Variants in HTR2C observed in about 807,000 individuals in gnomAD.
The protein encoded by HTR2C is 5-hydroxytryptamine (serotonin) receptor 2C, G protein-coupled.
HTR2C carries 5 observed loss-of-function variants against 21.0 expected under a neutral mutation model. The ratio of observed to expected loss-of-function variants is 0.24; its 90% CI spans 0.12 to 0.50. HTR2C has a LOEUF of 0.50. Ranked by LOEUF, HTR2C falls within the 20% of genes least tolerant of loss-of-function variation. HTR2C has a pLI of 0.98. For synonymous variants in HTR2C, 150 were observed against 145.3 expected (o/e 1.03, Z -0.23); for missense variants, 271 against 371.2 (o/e 0.73, Z 2.22).
At chrX:114,792,241 T>C (rs1189654903) in intron 4 of HTR2C, among the ~76,000 whole-genome samples, 1 of 111,448 alleles carries the variant, frequency 9.0e-6, no homozygotes, top group East Asian at 2.8e-4. Flanking sequence ...AAGCACCACA[T>C]GCATCAGCTA....
At chrX:114,753,647 A>G (rs1795291168) in intron 4 of HTR2C, among the ~76,000 whole-genome samples, 1 of 112,041 alleles carries the variant, frequency 8.9e-6, no homozygotes, top group Non-Finnish European at 1.9e-5. Flanking sequence ...AACAATGATC[A>G]TATGGAAACT....
chrX:114,850,904 A>T (rs1266752340), intron 5 of HTR2C, among the ~76,000 whole-genome samples: 1 of 111,257 alleles, frequency 9.0e-6, no homozygotes, highest in Non-Finnish European at 1.9e-5. Context: ...AAACAAAAAA[A>T]TTCCTCCATC....
Position 114,906,579 on chromosome X carries a change from C to A in HTR2C, c.551-10C>A, listed in dbSNP as rs201632841. On this transcript the variant is annotated splice_polypyrimidine_tract_variant and intron_variant, in intron 5 of 5. Transcript: ENST00000276198. Reference sequence around the variant, plus strand: ...TGCTATAACAACCCCCTTCCTTTTTCTTCCTTTAGGTGTATCAGTTCCTAT... The same window carrying A: ...TGCTATAACAACCCCCTTCCTTTTTATTCCTTTAGGTGTATCAGTTCCTAT... 106 of 1,149,531 alleles carry A rather than the reference C, an allele frequency of 9.2e-5. No homozygotes were observed. The highest frequency in any genetic ancestry group is 1.2e-4 in the Non-Finnish European group (104 of 855,153). 94.7% of individuals were successfully genotyped at this position (1,149,531 alleles called of 1,213,427 possible). A position where few individuals can be genotyped will look rare whatever the true frequency, so the allele number is the denominator to read the frequency against.
intron 2 of HTR2C, among the ~76,000 whole-genome samples, chrX:114,700,175 G>C (rs1043349923): frequency 2.0e-4 from 22 of 110,967 alleles, no homozygotes; most frequent in Non-Finnish European, 4.0e-4. Flanking sequence ...CTGTAAATAG[G>C]GCTCACATAC....
In HTR2C at chrX:114,878,947, A is replaced by G. The variant is rs5987828; in HGVS notation, c.551-27642A>G. On this transcript the variant is annotated intron_variant, in intron 5 of 5. Coordinates refer to ENST00000276198, the MANE Select transcript of HTR2C (RefSeq NM_000868.4). ...TGATTAAAATGCCATCGACACTTGA[A>G]TAGAATTGTATCTTGCTATTGTATA... Among the ~76,000 whole-genome samples the G allele has an allele frequency of 4.9e-3, 546 of 110,766 alleles. 1 individual carries two copies. The highest frequency in any genetic ancestry group is 0.017 in the African/African-American group (512 of 30,737).
At chrX:114,888,088 T>C (rs1556482044) in intron 5 of HTR2C, among the ~76,000 whole-genome samples, 3 of 112,129 alleles carry the variant, frequency 2.7e-5, no homozygotes. Context: ...CCCTTTACCC[T>C]TGTTGCTCCC....
chrX:114,741,873 A>C (rs1219990419), intron 4 of HTR2C, among the ~76,000 whole-genome samples: 1 of 110,456 alleles, frequency 9.1e-6, no homozygotes, highest in African/African-American at 3.3e-5. Flanking sequence ...TATGGGAATG[A>C]GGTTCCCTTT....
chrX:114,736,506 A>G (rs1488528941), intron 4 of HTR2C, among the ~76,000 whole-genome samples: 1 of 112,200 alleles, frequency 8.9e-6, no homozygotes, highest in Non-Finnish European at 1.9e-5. Flanking sequence ...AAGAAATGGC[A>G]GTTAAGAATA....
intron 2 of HTR2C, among the ~76,000 whole-genome samples, chrX:114,632,019 T>C (rs781840471): frequency 1.8e-5 from 2 of 112,317 alleles, no homozygotes; most frequent in South Asian, 7.3e-4. Context: ...AAGTAGAAGC[T>C]AAATAAATAA....
chrX:114,737,377 C>T (rs2069601746), intron 4 of HTR2C, among the ~76,000 whole-genome samples: 1 of 109,659 alleles, frequency 9.1e-6, no homozygotes. Context: ...CACACGTGCA[C>T]CGCCACACTC....
At chrX:114,813,102 C>A (rs180701786) in intron 4 of HTR2C, among the ~76,000 whole-genome samples, 60 of 111,699 alleles carry the variant, frequency 5.4e-4, no homozygotes, top group African/African-American at 1.8e-3. Context: ...TAAATATCTA[C>A]CCCCGCAATA....
chrX:114,731,665 G>A, intron 4 of HTR2C, 58 bp downstream of exon 4: 1 of 859,165 alleles, frequency 1.2e-6, no homozygotes. Context: ...TTGTGTCATA[G>A]TAAACACTCA....
At chrX:114,745,816 G>T (rs781828947) in intron 4 of HTR2C, among the ~76,000 whole-genome samples, 7 of 110,820 alleles carry the variant, frequency 6.3e-5, no homozygotes, top group Admixed American at 1.9e-4. Flanking sequence ...GAAGGGTAGT[G>T]GGGGGGGATG....
At chrX:114,692,789 C>T (rs189736328) in intron 2 of HTR2C, among the ~76,000 whole-genome samples, 6 of 111,824 alleles carry the variant, frequency 5.4e-5, no homozygotes, top group Admixed American at 9.6e-5. Flanking sequence ...ACATACCAAA[C>T]GTTAGCCCAT....
intron 2 of HTR2C, among the ~76,000 whole-genome samples, chrX:114,626,841 G>A (rs1556402972): frequency 8.9e-6 from 1 of 111,804 alleles, no homozygotes; most frequent in Non-Finnish European, 1.9e-5. Flanking sequence ...TTATAGCTGT[G>A]AGAAGAGATG....
At chrX:114,675,862 T>C (rs1401631171) in intron 2 of HTR2C, among the ~76,000 whole-genome samples, 3 of 97,505 alleles carry the variant, frequency 3.1e-5, no homozygotes, top group Admixed American at 2.2e-4. Flanking sequence ...TTTTCGTTTC[T>C]TTTTTCTTTT....
rs782160197 is a variant in HTR2C, at chrX:114,739,999, C to T, written c.349+8392C>T. On this transcript the variant is annotated intron_variant, in intron 4 of 5. Transcript: ENST00000276198. ...TGGCGGGCACCTGTAGTCTCAGCTA[C>T]TTGGGAGGCTGAGATGGGAGGATGG... Among the ~76,000 whole-genome samples the T allele has an allele frequency of 1.1e-3, 121 of 109,410 alleles. 1 individual carries two copies. The highest frequency in any genetic ancestry group is 2.3e-3 in the East Asian group (8 of 3,456).
At position 114,806,567 on chromosome X, in the gene HTR2C, CATCATATATATCATATAT is replaced by C. The variant is rs199629237; in HGVS notation, c.350-41416_350-41399del. Among the ~76,000 whole-genome samples the C allele has an allele frequency of 1.8e-4, 13 of 72,925 alleles. No homozygotes were observed. In the South Asian group the frequency reaches 2.2e-3, roughly 12 times the overall value. The allele number at this position is 72,925 out of a possible 115,157, so 63.3% of individuals were successfully genotyped here. On this transcript the variant is annotated intron_variant, in intron 4 of 5. Coordinates refer to ENST00000276198, the MANE Select transcript of HTR2C (RefSeq NM_000868.4). Reference sequence around the variant, plus strand: ...GTATATATACCATATATACCATATACATCATATATATCATATATATCATATATATCATATATACACCAT... The same window carrying C: ...GTATATATACCATATATACCATATACATCATATATATCATATATACACCAT...
chrX:114,834,971 A>G (rs1444842356), intron 4 of HTR2C, among the ~76,000 whole-genome samples: 16 of 100,360 alleles, frequency 1.6e-4, no homozygotes, highest in African/African-American at 5.3e-4. Flanking sequence ...ATGAAGCTTA[A>G]TTTGGCTGGA....
Sources: allele counts gnomAD v4.1 joint callset (sites outside exome capture counted in the v4.1 genomes callset), GRCh38; gene constraint gnomAD v4.1.1; transcripts MANE v1.5; gene names NCBI Gene and HGNC (gene_info 2026-07-23, HGNC 2026-07-21).